PFKFB2: variants seen among roughly 807,000 people sequenced by gnomAD.
PFKFB2 encodes the protein 6-phosphofructo-2-kinase/fructose-2,6-bisphosphatase 2.
PFKFB2 carries 53 observed loss-of-function variants against 68.0 expected under a neutral mutation model. The observed-to-expected ratio is 0.78, with a 90% confidence interval of 0.63 to 0.98. The LOEUF (loss-of-function observed/expected upper bound fraction) is 0.98, where lower values mean the gene tolerates loss of function less well. Among genes scored for constraint, PFKFB2 ranks in the 50% least tolerant of loss-of-function variants. The pLI is 0.00. For synonymous variants in PFKFB2, 222 were observed against 227.6 expected (o/e 0.98, Z 0.22); for missense variants, 451 against 642.0 (o/e 0.70, Z 3.22).
chr1:207,068,077 T>G, intron 9 of PFKFB2, 86 bp from the exon 10 acceptor site: 1 of 1,105,800 alleles, frequency 9.0e-7, no homozygotes, highest in Non-Finnish European at 1.3e-6. Context: ...TTAGCAGGCT[T>G]TGTGTATGTG....
upstream of PFKFB2, chr1:207,052,387 C>A: frequency 1.6e-5 from 10 of 614,180 alleles, no homozygotes; most frequent in South Asian, 1.9e-4. Flanking sequence ...GGTGGCCGGG[C>A]GCAGTGGCTC....
At chr1:207,077,845 G>A (rs1359635400), downstream of PFKFB2, 32 of 977,872 alleles carry the variant, frequency 3.3e-5, no homozygotes, top group Non-Finnish European at 3.9e-5. Context: ...TTTTTGTTTA[G>A]TATTTTCAGT....
In PFKFB2 at chr1:207,075,694, C is replaced by A; in HGVS notation, c.*3323C>A. On this transcript the variant is annotated 3_prime_UTR_variant, in exon 15 of 15. Coordinates refer to ENST00000367080, the MANE Select transcript of PFKFB2 (RefSeq NM_006212.2). ...GTCCCAGATACTTGGGAGGCTGAGG[C>A]AGGAGAATCACTTGAGACCAGCCTG... The A allele has an allele frequency of 1.0e-6, 1 of 968,088 alleles. No homozygotes were observed. Among genetic ancestry groups the A allele is most frequent in the Non-Finnish European group, 1.2e-6 (1 of 814,066 alleles). The allele number at this position is 968,088 out of a possible 1,614,324, so 60.0% of individuals were successfully genotyped here.
chr1:207,078,949 C>T (rs375397808), downstream of PFKFB2: 29 of 1,611,328 alleles, frequency 1.8e-5, no homozygotes, highest in African/African-American at 2.7e-4. Context: ...CTCTCTGGCT[C>T]GTAGGCAGCA....
At position 207,061,109 on chromosome 1, in the gene PFKFB2, C is replaced by CTTTA. The variant is rs61063813; in HGVS notation, c.86-843_86-842insTTAT. On this transcript the variant is annotated intron_variant, in intron 2 of 14. Coordinates refer to ENST00000367080, the MANE Select transcript of PFKFB2 (RefSeq NM_006212.2). Reference sequence around the variant, plus strand: ...TCTTTATATATATCTTTATATATATCTATATATCTTTATATATATCTTTAT... The same window carrying CTTTA: ...TCTTTATATATATCTTTATATATATCTTTATATATATCTTTATATATATCTTTAT... Among the ~76,000 whole-genome samples, 677 of 79,486 alleles carry CTTTA rather than the reference C, an allele frequency of 8.5e-3. 77 individuals are homozygous for CTTTA. Among genetic ancestry groups the CTTTA allele is most frequent in the African/African-American group, 0.03 (621 of 21,008 alleles). 52.1% of individuals were successfully genotyped at this position (79,486 alleles called of 152,430 possible).
At chr1:207,036,790 CCTT>C (rs1682386116) in intron 1 of PFKFB2, among the ~76,000 whole-genome samples, 1 of 152,174 alleles carries the variant, frequency 6.6e-6, no homozygotes, top group South Asian at 2.1e-4. Context: ...ATCCCTGTAA[CCTT>C]CTCTCCTGCA....
chr1:207,056,531 T>A (rs2102339122), intron 2 of PFKFB2, among the ~76,000 whole-genome samples: 1 of 151,778 alleles, frequency 6.6e-6, no homozygotes, highest in East Asian at 1.9e-4. Flanking sequence ...TTCTCCATGG[T>A]AGGAATCTCT....
chr1:207,051,740 CAG>C (rs1682757405), upstream of PFKFB2, among the ~76,000 whole-genome samples: 1 of 152,284 alleles, frequency 6.6e-6, no homozygotes, highest in Admixed American at 6.5e-5. Context: ...AGTTGGGAGA[CAG>C]GGTGGGGTGT....
At chr1:207,054,237 G>C (rs770205105) in intron 1 of PFKFB2, among the ~76,000 whole-genome samples, 9 of 151,906 alleles carry the variant, frequency 5.9e-5, no homozygotes, top group Non-Finnish European at 1.0e-4. Context: ...CCGTTAGATT[G>C]GAGTTAATTT....
upstream of PFKFB2, chr1:207,050,678 G>C: frequency 6.2e-7 from 1 of 1,612,870 alleles, no homozygotes; most frequent in Non-Finnish European, 8.5e-7. Flanking sequence ...CCCCAGCCCT[G>C]ATTCCTTACC....
At chr1:207,057,335 G>T (rs1263899863) in intron 2 of PFKFB2, among the ~76,000 whole-genome samples, 1 of 143,038 alleles carries the variant, frequency 7.0e-6, no homozygotes. Context: ...AAAACTAGCC[G>T]GGCATGGTGG....
At chr1:207,068,448 G>GC in intron 10 of PFKFB2, 139 bp downstream of exon 10, 1 of 614,026 alleles carries the variant, frequency 1.6e-6, no homozygotes, top group Non-Finnish European at 2.5e-6. Context: ...TCTATGGCCA[G>GC]CCCGGGGGAT....
Position 207,074,641 on chromosome 1 carries a change from T to G in PFKFB2, c.*2270T>G, listed in dbSNP as rs75688200. ...ATGTTAAGTAACCTGCTATTCCTGT[T>G]TAGTGGTTACATAACATGTACTTAG... is the stretch of plus-strand genomic sequence containing the variant. On this transcript the variant is annotated 3_prime_UTR_variant, in exon 15 of 15. Transcript: ENST00000367080. The G allele has an allele frequency of 1.3e-3, 1,312 of 985,430 alleles. 20 individuals are homozygous for G. In the African/African-American group the frequency reaches 0.022, roughly 16 times the overall value. The allele number at this position is 985,430 out of a possible 1,614,324, so 61.0% of individuals were successfully genotyped here.
intron 1 of PFKFB2, among the ~76,000 whole-genome samples, chr1:207,037,930 T>C (rs921522680): frequency 5.9e-5 from 9 of 152,056 alleles, no homozygotes; most frequent in African/African-American, 1.7e-4. Flanking sequence ...ACATGAAGAG[T>C]GCTGAGTATA....
In PFKFB2 at chr1:207,074,090, T is replaced by C; in HGVS notation, c.*1719T>C. 1.1e-6 allele frequency: 1 copy of C among 887,100 alleles called. No individual in the cohort carries two copies. The allele number at this position is 887,100 out of a possible 1,614,324, so 55.0% of individuals were successfully genotyped here. On this transcript the variant is annotated 3_prime_UTR_variant, in exon 15 of 15. Transcript: ENST00000367080. Reference sequence around the variant, plus strand: ...CCTTATGCTTAATACTGACTCAGAATCTCTGGGATCTGGGTCTGGACATGC... The same window carrying C: ...CCTTATGCTTAATACTGACTCAGAACCTCTGGGATCTGGGTCTGGACATGC...
chr1:207,038,447 C>T (rs1186051968), intron 1 of PFKFB2, among the ~76,000 whole-genome samples: 1 of 152,124 alleles, frequency 6.6e-6, no homozygotes, highest in African/African-American at 2.4e-5. Flanking sequence ...TTTCATGTCC[C>T]CTTCTCCTGT....
chr1:207,047,282 T>G (rs1449255798), intron 2 of PFKFB2: 1 of 152,580 alleles, frequency 6.6e-6, no homozygotes, highest in Non-Finnish European at 1.5e-5. Flanking sequence ...AAAATAACTA[T>G]GCACACAAAA....
At chr1:207,053,904 ATTTTTTTTTTT>A (rs574695365) in intron 1 of PFKFB2, among the ~76,000 whole-genome samples, 1 of 97,894 alleles carries the variant, frequency 1.0e-5, no homozygotes, top group African/African-American at 4.0e-5. Flanking sequence ...TTCATTTTTC[ATTTTTTTTTTT>A]TTTTTTTTTG....
chr1:207,041,246 A>G (rs1364176636), intron 1 of PFKFB2, among the ~76,000 whole-genome samples: 1 of 148,114 alleles, frequency 6.8e-6, no homozygotes, highest in Non-Finnish European at 1.5e-5. Context: ...TTTTTTTTTT[A>G]ATTATACTTT....
Sources: gnomAD v4.1 joint callset for allele counts (sites outside exome capture counted in the v4.1 genomes callset) on GRCh38, gnomAD v4.1.1 for gene constraint, MANE v1.5 for transcripts, NCBI Gene and HGNC (gene_info 2026-07-23, HGNC 2026-07-21) for gene names.